The following COL6A5 variants were observed in gnomAD, a reference collection of about 807,000 sequenced individuals.
The protein encoded by COL6A5 is collagen type VI alpha 5 chain.
A neutral mutation model predicts 65.6 loss-of-function variants in COL6A5; 48 were observed. The ratio of observed to expected loss-of-function variants is 0.73; its 90% confidence interval spans 0.58 to 0.93. COL6A5 has a LOEUF of 0.93. COL6A5 is among the 40% of genes least tolerant of loss of function. The probability of loss-of-function intolerance (pLI) is 0.00; values close to 1 mark genes in which losing one functional copy is unlikely to be tolerated. For missense variants in COL6A5, 914 were observed against 928.3 expected (o/e 0.98, Z 0.20); for synonymous variants, 291 against 322.8 (o/e 0.90, Z 1.05).
chr3:130,411,591 C>T (rs1176380431), intron 20 of COL6A5, among the ~76,000 whole-genome samples: 1 of 152,074 alleles, frequency 6.6e-6, no homozygotes, highest in Non-Finnish European at 1.5e-5. Flanking sequence ...CTTCTTCACA[C>T]AAGAGAATTA....
chr3:130,400,934 T>A, intron 10 of COL6A5, 97 bp from the exon 11 acceptor site: 1 of 1,028,282 alleles, frequency 9.7e-7, no homozygotes, highest in Non-Finnish European at 1.3e-6. Flanking sequence ...CCCTTTTCAA[T>A]TCTTTAAATC....
At position 130,406,111 on chromosome 3, in the gene COL6A5, T is replaced by G. The variant is rs1936982169; in HGVS notation, c.4381-20T>G. 6.5e-7 allele frequency: 1 copy of G among 1,548,506 alleles called. No homozygotes were observed. The highest frequency in any genetic ancestry group is 1.4e-5 in the African/African-American group (1 of 73,016). ...CAGAGACCTGCTTTTACCTGATGCCTGTCTATTGTCATCTCTCAGGGAGGT... is the reference window on the plus strand; with the variant it reads ...CAGAGACCTGCTTTTACCTGATGCCGGTCTATTGTCATCTCTCAGGGAGGT... On this transcript the variant is annotated intron_variant and NMD_transcript_variant, in intron 15 of 41. Transcript: ENST00000312481.
chr3:130,407,980 T>G (rs1937049291), intron 17 of COL6A5, among the ~76,000 whole-genome samples: 1 of 152,178 alleles, frequency 6.6e-6, no homozygotes, highest in South Asian at 2.1e-4. Flanking sequence ...CCATCATCTT[T>G]GTAAGCTGAG....
At chr3:130,362,278 CTG>C (rs1935140772) in intron 1 of COL6A5, among the ~76,000 whole-genome samples, 1 of 131,982 alleles carries the variant, frequency 7.6e-6, no homozygotes, top group African/African-American at 3.0e-5. Flanking sequence ...CTCTTTGTCT[CTG>C]TCTTTCTCCA....
chr3:130,427,104 A>G (rs566991589), upstream of COL6A5, among the ~76,000 whole-genome samples: 134 of 152,332 alleles, frequency 8.8e-4, no homozygotes, highest in African/African-American at 2.8e-3. Flanking sequence ...GAAAATATTA[A>G]CCAAATATAG....
At chr3:130,405,633 G>A in exon 14 of COL6A5, 2 of 1,550,768 alleles carry the variant, frequency 1.3e-6, no homozygotes, top group Non-Finnish European at 1.7e-6. Context: ...AGGGATTGCA[G>A]GATGTCCAGG....
intron 7 of COL6A5, among the ~76,000 whole-genome samples, chr3:130,478,805 A>C (rs901392536): frequency 1.3e-5 from 2 of 152,060 alleles, no homozygotes; most frequent in African/African-American, 4.8e-5. Context: ...TCCTGTACAT[A>C]CTTCTGTTAA....
chr3:130,470,911 A>T, exon 7 of COL6A5: 1 of 1,612,622 alleles, frequency 6.2e-7, no homozygotes, highest in Non-Finnish European at 8.5e-7. Flanking sequence ...TGAAAGCCAC[A>T]TGTGTTAACA....
At chr3:130,385,468 A>G in intron 5 of COL6A5, 104 bp downstream of exon 5, 1 of 1,204,102 alleles carries the variant, frequency 8.3e-7, no homozygotes, top group Non-Finnish European at 1.1e-6. Context: ...TTGTCCGGAT[A>G]ACATTTTGCT....
intron 5 of COL6A5, among the ~76,000 whole-genome samples, chr3:130,461,637 A>G (rs1709702860): frequency 1.3e-5 from 2 of 152,194 alleles, no homozygotes; most frequent in South Asian, 4.1e-4. Context: ...TGCATTTACA[A>G]ATGAGGAGAT....
chr3:130,385,115 G>T, exon 5 of COL6A5: 1 of 1,551,038 alleles, frequency 6.4e-7, no homozygotes, highest in Non-Finnish European at 8.7e-7. Context: ...TGGAATGAAG[G>T]ATAGAATGAG....
chr3:130,397,800 C>T (rs1488419329), exon 9 of COL6A5: 6 of 1,551,658 alleles, frequency 3.9e-6, no homozygotes, highest in Non-Finnish European at 4.4e-6. Flanking sequence ...AGTTCCAAAT[C>T]TATCAGAAAG....
rs547457287 is a variant in COL6A5 at position 130,447,842 on chromosome 3, A to G, written c.1332+4276A>G. Among the ~76,000 whole-genome samples the G allele has an allele frequency of 3.3e-5, 5 of 152,284 alleles. No homozygotes were observed. The East Asian group carries it at 7.7e-4, about 24-fold the overall frequency. ...GTAGGACCCATATAACGGCATTGCC[A>G]TTACTGGAGCCATCAGTGAACACTG... On this transcript the variant is annotated intron_variant, in intron 4 of 7. Coordinates refer to ENST00000512836, the Ensembl canonical transcript of COL6A5.
intron 10 of COL6A5, among the ~76,000 whole-genome samples, chr3:130,400,499 A>G (rs1267713877): frequency 6.6e-6 from 1 of 152,260 alleles, no homozygotes; most frequent in East Asian, 1.9e-4. Flanking sequence ...GAGTGAATAG[A>G]TGAATTAATG....
At position 130,469,371 on chromosome 3, in the gene COL6A5, A is replaced by T. The variant is rs115907998; in HGVS notation, c.2123A>T (p.Glu708Val). 2,172 of 1,612,918 alleles carry T rather than the reference A, an allele frequency of 1.3e-3. 26 individuals are homozygous for T. The African/African-American group carries it at 0.026, about 19-fold the overall frequency. The change falls in exon 6 of 8, where the codon GAA (glutamate) becomes GTA (valine). Residue 708 changes from glutamate (E) to valine (V), a missense_variant. Coordinates refer to ENST00000512836, the Ensembl canonical transcript of COL6A5. ...AAACACAATGACAAAGAATTAGAAG[A>T]ATTAGCCAGCCACCCTCTGGATCAT...
chr3:130,466,723 A>G (rs1025451228), intron 5 of COL6A5, among the ~76,000 whole-genome samples: 11 of 151,994 alleles, frequency 7.2e-5, no homozygotes, highest in Admixed American at 2.6e-4. Flanking sequence ...GTATAATTAA[A>G]CTCACCAGGA....
At chr3:130,435,377 G>A (rs974849596) in intron 1 of COL6A5, among the ~76,000 whole-genome samples, 1 of 152,132 alleles carries the variant, frequency 6.6e-6, no homozygotes, top group African/African-American at 2.4e-5. Flanking sequence ...GTATCATGAT[G>A]CCTCCAGCTT....
Position 130,431,517 on chromosome 3 carries a change from C to T in COL6A5, c.57C>T (p.Tyr19=), listed in dbSNP as rs140651806. Residue 19 remains tyrosine (Y), a synonymous_variant, in exon 1 of 8, where the codon TAC becomes TAT. Coordinates refer to ENST00000512836, the Ensembl canonical transcript of COL6A5. ...TAGTATTTGCTCTGGACAATTCCTA[C>T]GATGTCACAGAAGAGAGCTTTAATA... 5.4e-4 allele frequency: 845 copies of T among 1,551,404 alleles called. 6 individuals are homozygous for T. The African/African-American group carries it at 8.5e-3, about 16-fold the overall frequency.
chr3:130,460,577 T>C (rs958850332), intron 5 of COL6A5, among the ~76,000 whole-genome samples: 1 of 152,016 alleles, frequency 6.6e-6, no homozygotes, highest in Non-Finnish European at 1.5e-5. Context: ...TCTAATGGAA[T>C]AAAACGTGGA....
Sources: allele counts gnomAD v4.1 joint callset (sites outside exome capture counted in the v4.1 genomes callset), GRCh38; gene constraint gnomAD v4.1.1; transcripts MANE v1.5; gene names NCBI Gene and HGNC (gene_info 2026-07-23, HGNC 2026-07-21).